NTN1: variants seen among roughly 807,000 people sequenced by gnomAD.
NTN1 encodes the protein netrin 1.
Under a neutral mutation model 54.2 loss-of-function variants are expected in NTN1, and 11 were observed. The ratio of observed to expected loss-of-function variants is 0.20; its 90% CI spans 0.13 to 0.34. The LOEUF is 0.34. NTN1 is among the 10% of genes least tolerant of loss of function. NTN1 has a pLI of 1.00. For synonymous variants in NTN1, 371 were observed against 382.0 expected (o/e 0.97, Z 0.33); for missense variants, 740 against 893.1 (o/e 0.83, Z 2.18).
chr17:9,182,694 C>A (rs770221893), intron 4 of NTN1, among the ~76,000 whole-genome samples: 2 of 152,216 alleles, frequency 1.3e-5, no homozygotes, highest in Non-Finnish European at 2.9e-5. Flanking sequence ...CTCTCCACAC[C>A]CCCCTGCCAG....
At position 9,242,513 on chromosome 17, in the gene NTN1, C is replaced by G. The variant is rs1357014480; in HGVS notation, c.*2545C>G. On this transcript the variant is annotated 3_prime_UTR_variant, in exon 7 of 7. Transcript: ENST00000173229. ...GGTCTCACGGGTGTCCTGTGAGGGG[C>G]TTGCATTTGTGGTGGTCTCTGAGGC... 1 of 152,290 alleles carries G rather than the reference C, an allele frequency of 6.6e-6. No individual in the cohort carries two copies. Among genetic ancestry groups the G allele is most frequent in the Admixed American group, 6.5e-5 (1 of 15,290 alleles). The allele number at this position is 152,290 out of a possible 1,614,324, so 9.4% of individuals were successfully genotyped here.
intron 5 of NTN1, among the ~76,000 whole-genome samples, chr17:9,204,952 G>C (rs1390456955): frequency 6.8e-6 from 1 of 147,538 alleles, no homozygotes; most frequent in East Asian, 2.0e-4. Flanking sequence ...CTGAAGATAT[G>C]TTGCTCATTA....
chr17:9,206,588 A>C (rs987748581), intron 5 of NTN1, among the ~76,000 whole-genome samples: 2 of 152,112 alleles, frequency 1.3e-5, no homozygotes, highest in African/African-American at 4.8e-5. Context: ...GTCCCGGTGC[A>C]CTAGGCAGGA....
rs1340313828 is a variant in NTN1, at chr17:9,023,336, C to T, written c.963C>T (p.Phe321=). 1 of 1,516,276 alleles carries T rather than the reference C, an allele frequency of 6.6e-7. No homozygotes were observed. The highest frequency in any genetic ancestry group is 2.0e-5 in the Admixed American group (1 of 49,566). The allele number at this position is 1,516,276 out of a possible 1,614,324, so 93.9% of individuals were successfully genotyped here. A position where few individuals can be genotyped will look rare whatever the true frequency, so the allele number is the denominator to read the frequency against. ...CGGAGTGCGACCGCTGCAAGCCCTT[C>T]CACTACGACCGGCCCTGGCAGCGCG... ...AGPECDRCKP[F]HYDRPWQRAT... is the part of the protein sequence containing the mutation. Residue 321 remains phenylalanine (F), a synonymous_variant, in exon 2 of 7, where the codon TTC becomes TTT. Transcript: ENST00000173229.
chr17:9,032,203 C>T (rs555851114), intron 2 of NTN1, among the ~76,000 whole-genome samples: 4 of 152,210 alleles, frequency 2.6e-5, no homozygotes, highest in South Asian at 2.1e-4. Flanking sequence ...TCCTGTACCA[C>T]GAAAGGATTG....
At chr17:9,007,649 C>T in the NTN1 span, among the ~76,000 whole-genome samples, 1 of 142,106 alleles carries the variant, frequency 7.0e-6, no homozygotes, top group African/African-American at 2.6e-5. Flanking sequence ...TTCTTTCTTC[C>T]TTCCCTCCCT....
In NTN1 at chr17:9,191,382, C is replaced by T. The variant is rs538646566; in HGVS notation, c.1411+8413C>T. Reference sequence around the variant, plus strand: ...GGCTGAGGCAGGAGAATCGCTTGAACCTGGGAGGCGGAGGTTGCGGTGAGC... The same window carrying T: ...GGCTGAGGCAGGAGAATCGCTTGAATCTGGGAGGCGGAGGTTGCGGTGAGC... On this transcript the variant is annotated intron_variant, in intron 5 of 6. Transcript: ENST00000173229. 9.1e-4 allele frequency among the ~76,000 whole-genome samples: 139 copies of T among 152,302 alleles called. 1 individual carries two copies. The highest frequency in any genetic ancestry group is 1.5e-3 in the Non-Finnish European group (102 of 68,022).
At chr17:9,060,866 C>T (rs1308632345) in intron 2 of NTN1, among the ~76,000 whole-genome samples, 2 of 150,044 alleles carry the variant, frequency 1.3e-5, no homozygotes, top group Non-Finnish European at 1.5e-5. Flanking sequence ...GTCCAAGCTA[C>T]TCGGGAGGCT....
At chr17:9,153,871 C>T (rs2092334704) in intron 2 of NTN1, among the ~76,000 whole-genome samples, 1 of 152,144 alleles carries the variant, frequency 6.6e-6, no homozygotes, top group Admixed American at 6.5e-5. Flanking sequence ...TCATGCCCTG[C>T]GTGGACTGAC....
chr17:9,191,628 A>C (rs557214150), intron 5 of NTN1, among the ~76,000 whole-genome samples: 11 of 152,338 alleles, frequency 7.2e-5, no homozygotes, highest in African/African-American at 2.6e-4. Context: ...ATATGAAATC[A>C]GGCTAAAAAA....
intron 2 of NTN1, among the ~76,000 whole-genome samples, chr17:9,121,673 G>T (rs189323585): frequency 2.0e-5 from 3 of 152,094 alleles, no homozygotes; most frequent in African/African-American, 7.2e-5. Context: ...GTACCCCACC[G>T]GGTCAGCTGG....
At chr17:9,073,993 G>C (rs1366712699) in intron 2 of NTN1, among the ~76,000 whole-genome samples, 5 of 152,332 alleles carry the variant, frequency 3.3e-5, no homozygotes, top group Non-Finnish European at 7.4e-5. Context: ...CTCGATTCTT[G>C]TTGCTGGTGT....
Position 9,239,510 on chromosome 17 carries a change from C to T in NTN1, c.1487-130C>T. The T allele has an allele frequency of 2.4e-6, 2 of 834,412 alleles. 1 individual carries two copies. The highest frequency in any genetic ancestry group is 3.5e-5 in the South Asian group (2 of 56,696). The allele number at this position is 834,412 out of a possible 1,614,324, so 51.7% of individuals were successfully genotyped here. A position where few individuals can be genotyped will look rare whatever the true frequency, so the allele number is the denominator to read the frequency against. On this transcript the variant is annotated intron_variant, in intron 6 of 6. Transcript: ENST00000173229. The surrounding 1 kb of genome is among the most constrained non-coding windows in gnomAD (Gnocchi z 5.2). The stretch of plus-strand genomic sequence containing the variant: ...CGATCAGCTTGCCACCACCCACGCG[C>T]TCCTGTATGGGCCACTCTGTGCAGT...
chr17:9,017,902 G>C (rs988950473), upstream of NTN1, among the ~76,000 whole-genome samples: 1 of 152,180 alleles, frequency 6.6e-6, no homozygotes, highest in African/African-American at 2.4e-5. Context: ...AGAGTGGTCA[G>C]AAAACAATGT....
intron 2 of NTN1, among the ~76,000 whole-genome samples, chr17:9,080,387 A>T (rs907498007): frequency 2.6e-5 from 4 of 152,174 alleles, no homozygotes; most frequent in African/African-American, 9.7e-5. Flanking sequence ...TCACTGTTAG[A>T]GTTAAGAGGT....
intron 5 of NTN1, among the ~76,000 whole-genome samples, chr17:9,194,042 C>T (rs1304754733): frequency 2.0e-5 from 3 of 151,480 alleles, no homozygotes; most frequent in Non-Finnish European, 4.4e-5. Flanking sequence ...TTGAGACCAG[C>T]CTGGCCAACA....
chr17:9,217,067 A>C (rs1223574565), intron 5 of NTN1, among the ~76,000 whole-genome samples: 2 of 151,532 alleles, frequency 1.3e-5, no homozygotes, highest in African/African-American at 4.8e-5. Flanking sequence ...AAAGAAATAT[A>C]AGGTGACATC....
At chr17:9,191,144 C>CTTT (rs1266897634) in intron 5 of NTN1, among the ~76,000 whole-genome samples, 1 of 152,022 alleles carries the variant, frequency 6.6e-6, no homozygotes, top group African/African-American at 2.4e-5. Flanking sequence ...TGTCAAAAAG[C>CTTT]ATAAAAGGAA....
chr17:9,179,304 C>T (rs1193910008), intron 3 of NTN1, among the ~76,000 whole-genome samples: 2 of 152,216 alleles, frequency 1.3e-5, no homozygotes, highest in African/African-American at 2.4e-5. Flanking sequence ...CCCTGTGACT[C>T]CCTCTAACCT....
Sources: gnomAD v4.1 joint callset for allele counts (sites outside exome capture counted in the v4.1 genomes callset) on GRCh38, gnomAD v4.1.1 for gene constraint, Gnocchi (gnomAD v3.1) non-coding constraint, MANE v1.5 for transcripts, NCBI Gene and HGNC (gene_info 2026-07-23, HGNC 2026-07-21) for gene names.